Variants in PWWP3A observed in about 807,000 individuals in gnomAD.
PWWP3A encodes the protein PWWP domain-containing DNA repair factor 3A.
Under a neutral mutation model 79.0 loss-of-function variants are expected in PWWP3A, and 53 were observed. That is an observed-to-expected ratio of 0.67 (90% CI 0.54 to 0.84). The LOEUF (loss-of-function observed/expected upper bound fraction) is 0.84. PWWP3A is among the 40% of genes least tolerant of loss of function. PWWP3A has a pLI of 0.00. For missense variants in PWWP3A, 973 were observed against 948.0 expected (o/e 1.03, Z -0.35); for synonymous variants, 443 against 394.4 (o/e 1.12, Z -1.46).
intron 5 of PWWP3A, among the ~76,000 whole-genome samples, chr19:1,361,400 A>G (rs551673206): frequency 2.6e-5 from 4 of 152,350 alleles, no homozygotes; most frequent in African/African-American, 9.6e-5. Flanking sequence ...GCAGTAACGC[A>G]TTCCTATTAA....
rs1173649800 is a variant in PWWP3A at position 1,369,423 on chromosome 19, T to C, written c.1498+83T>C. ...CCCCTTGGACGGGCTGGGCCGGAGC[T>C]GCCTGGAGGCGGGGCATATTTCCGT... On this transcript the variant is annotated intron_variant, in intron 10 of 13. Coordinates refer to ENST00000591337, the MANE Select transcript of PWWP3A (RefSeq NM_001369789.1). The surrounding 1 kb of genome is among the most constrained non-coding windows in gnomAD (Gnocchi z 4.0). The C allele has an allele frequency of 9.7e-6, 15 of 1,539,008 alleles. No individual in the cohort carries two copies. The highest frequency in any genetic ancestry group is 1.3e-5 in the Non-Finnish European group (15 of 1,114,798).
In PWWP3A at chr19:1,364,595, T is replaced by TC; in HGVS notation, c.1284+18dup. On this transcript the variant is annotated intron_variant, in intron 7 of 13. Coordinates refer to ENST00000591337, the MANE Select transcript of PWWP3A (RefSeq NM_001369789.1). ...GCCAGCAGTGGTAAGAACAGCTTCC[T>TC]CCGTCTTCTCAGATGTAGTTACTTA... The TC allele has an allele frequency of 6.4e-7, 1 of 1,566,624 alleles. No homozygotes were observed. The highest frequency in any genetic ancestry group is 8.7e-7 in the Non-Finnish European group (1 of 1,153,866).
Position 1,377,718 on chromosome 19 carries a change from C to T in PWWP3A, c.*1142C>T, listed in dbSNP as rs1190797120. 5 of 152,342 alleles carry T rather than the reference C, an allele frequency of 3.3e-5. No homozygotes were observed. Among genetic ancestry groups the T allele is most frequent in the Admixed American group, 2.6e-4 (4 of 15,284 alleles). 9.4% of individuals were successfully genotyped at this position (152,342 alleles called of 1,614,324 possible). On this transcript the variant is annotated 3_prime_UTR_variant, in exon 14 of 14. Transcript: ENST00000591337. ...TGTGCCTACACAGCAGTGCTGGTGA[C>T]ATGTCCAGGGTTCCAGGGCCCGGTG...
At position 1,369,021 on chromosome 19, in the gene PWWP3A, G is replaced by A; in HGVS notation, c.1423-244G>A. ...CGTTCAGATCAGCCCAAGCCATCGG[G>A]TCCCCGGTGCCCACCATTTGAGCAG... On this transcript the variant is annotated intron_variant, in intron 9 of 13. Transcript: ENST00000591337. This position sits in a 1 kb window ranked among gnomAD's most constrained non-coding sequence, Gnocchi z 4.0. 1 of 480,034 alleles carries A rather than the reference G, an allele frequency of 2.1e-6. No homozygotes were observed. 29.7% of individuals were successfully genotyped at this position (480,034 alleles called of 1,614,324 possible).
chr19:1,363,231 T>C (rs1438247306), intron 6 of PWWP3A, among the ~76,000 whole-genome samples: 1 of 152,226 alleles, frequency 6.6e-6, no homozygotes, highest in East Asian at 1.9e-4. Context: ...TCTACACTGT[T>C]TGAGTGCTTT....
intron 13 of PWWP3A, among the ~76,000 whole-genome samples, chr19:1,375,240 T>TA (rs2082340382): frequency 6.7e-6 from 1 of 149,956 alleles, no homozygotes; most frequent in Admixed American, 6.7e-5. Flanking sequence ...AAAAAAATAT[T>TA]ACACATCCTG....
chr19:1,365,531 AC>A (rs1227861523), intron 7 of PWWP3A, among the ~76,000 whole-genome samples: 2 of 152,242 alleles, frequency 1.3e-5, no homozygotes, highest in Non-Finnish European at 2.9e-5. Context: ...GTTCCGGGAA[AC>A]CGGGGATTGA....
At position 1,368,915 on chromosome 19, in the gene PWWP3A, A is replaced by C. The variant is rs2082188476; in HGVS notation, c.1423-350A>C. Reference sequence around the variant, plus strand: ...GGGTCCCCGGTGCCCACCTGCGTTCAGACCAGCCCAAGCCATCGGGTCCCC... The same window carrying C: ...GGGTCCCCGGTGCCCACCTGCGTTCCGACCAGCCCAAGCCATCGGGTCCCC... On this transcript the variant is annotated intron_variant, in intron 9 of 13. Transcript: ENST00000591337. This position sits in a 1 kb window ranked among gnomAD's most constrained non-coding sequence, Gnocchi z 4.7. Among the ~76,000 whole-genome samples, 2 of 139,286 alleles carry C rather than the reference A, an allele frequency of 1.4e-5. No individual in the cohort carries two copies. Among genetic ancestry groups the C allele is most frequent in the South Asian group, 2.4e-4 (1 of 4,176 alleles). 91.4% of individuals were successfully genotyped at this position (139,286 alleles called of 152,430 possible). A position where few individuals can be genotyped will look rare whatever the true frequency, so the allele number is the denominator to read the frequency against.
intron 1 of PWWP3A, 114 bp from the exon 2 acceptor site, chr19:1,356,210 A>C: frequency 3.2e-6 from 2 of 621,086 alleles, no homozygotes; most frequent in South Asian, 3.4e-5. Context: ...AAGATTGTGG[A>C]ATTAAACCAT....
chr19:1,377,682 A>C lies in PWWP3A; in HGVS notation c.*1106A>C, dbSNP rs558771079. On this transcript the variant is annotated 3_prime_UTR_variant, in exon 14 of 14. Transcript: ENST00000591337. ...ACGATGACTTGTCCATTCTCAGTGG[A>C]TGCTCCAGGCTGTGCCTACACAGCA... 3 of 152,218 alleles carry C rather than the reference A, an allele frequency of 2.0e-5. No individual in the cohort carries two copies. The highest frequency in any genetic ancestry group is 2.0e-4 in the Admixed American group (3 of 15,278). 9.4% of individuals were successfully genotyped at this position (152,218 alleles called of 1,614,324 possible).
At chr19:1,356,276 C>A in intron 1 of PWWP3A, 48 bp from the exon 2 acceptor site, 2 of 984,904 alleles carry the variant, frequency 2.0e-6, no homozygotes, top group Non-Finnish European at 3.2e-6. Context: ...TCTGCGTTAA[C>A]ATCGCCAGCA....
intron 3 of PWWP3A, 65 bp downstream of exon 3, chr19:1,357,159 A>T (rs2062615236): frequency 1.6e-6 from 2 of 1,251,816 alleles, no homozygotes; most frequent in Non-Finnish European, 2.3e-6. Flanking sequence ...TCAATCCCCT[A>T]CTCCCCCAAA....
chr19:1,361,063 A>C, intron 5 of PWWP3A, 31 bp downstream of exon 5: 1 of 1,418,862 alleles, frequency 7.0e-7, no homozygotes, highest in Non-Finnish European at 9.2e-7. Flanking sequence ...AGGAGAGCGC[A>C]GAGGGTGGAG....
chr19:1,376,182 A>G (rs1317113983), intron 13 of PWWP3A, among the ~76,000 whole-genome samples: 3 of 146,586 alleles, frequency 2.0e-5, no homozygotes, highest in African/African-American at 5.1e-5. Context: ...CTGGAGTACA[A>G]TGGCATGATC....
Position 1,368,244 on chromosome 19 carries a change from A to C in PWWP3A, c.1423-1021A>C, listed in dbSNP as rs915657463. Among the ~76,000 whole-genome samples the C allele has an allele frequency of 1.3e-5, 2 of 152,082 alleles. No individual in the cohort carries two copies. Among genetic ancestry groups the C allele is most frequent in the Non-Finnish European group, 2.9e-5 (2 of 68,032 alleles). ...GGCTGGAACTGAGTTACTTTCTAAA[A>C]ATGGATGAAGGTGTGGGGTGAGGAG... On this transcript the variant is annotated intron_variant, in intron 9 of 13. Coordinates refer to ENST00000591337, the MANE Select transcript of PWWP3A (RefSeq NM_001369789.1). This position sits in a 1 kb window ranked among gnomAD's most constrained non-coding sequence, Gnocchi z 4.7.
At chr19:1,359,866 A>C in intron 4 of PWWP3A, 1 of 318,892 alleles carries the variant, frequency 3.1e-6, no homozygotes, top group Non-Finnish European at 5.7e-6. Flanking sequence ...TGTAACTTGG[A>C]GGAATTTATC....
At chr19:1,371,942 C>T (rs1311864868) in intron 12 of PWWP3A, among the ~76,000 whole-genome samples, 1 of 151,480 alleles carries the variant, frequency 6.6e-6, no homozygotes, top group Non-Finnish European at 1.5e-5. Context: ...GTAGCTGGGA[C>T]TACAGGCGCC....
chr19:1,369,188 G>C lies in PWWP3A; in HGVS notation c.1423-77G>C, dbSNP rs528810376. ...CAGCCTGGACACCTGGCTGGTCCCT[G>C]GGCTCTGCGTGGCTTCTGAACCCAG... On this transcript the variant is annotated intron_variant, in intron 9 of 13. Coordinates refer to ENST00000591337, the MANE Select transcript of PWWP3A (RefSeq NM_001369789.1). This position sits in a 1 kb window ranked among gnomAD's most constrained non-coding sequence, Gnocchi z 4.0. 1.7e-4 allele frequency: 237 copies of C among 1,384,240 alleles called. 3 individuals carry two copies. Among genetic ancestry groups the C allele is most frequent in the South Asian group, 1.3e-3 (105 of 83,786 alleles). 85.7% of individuals were successfully genotyped at this position (1,384,240 alleles called of 1,614,324 possible).
intron 4 of PWWP3A, chr19:1,358,720 C>T (rs1045959058): frequency 2.1e-5 from 31 of 1,484,960 alleles, no homozygotes; most frequent in African/African-American, 4.2e-5. Context: ...AAGGTCATCT[C>T]GTACCCCCGT....
Sources: allele counts gnomAD v4.1 joint callset (sites outside exome capture counted in the v4.1 genomes callset), GRCh38; gene constraint gnomAD v4.1.1; non-coding constraint Gnocchi (gnomAD v3.1); transcripts MANE v1.5; gene names NCBI Gene and HGNC (gene_info 2026-07-23, HGNC 2026-07-21).